WWOX: variants seen among roughly 807,000 people sequenced by gnomAD.
WWOX encodes the protein WW domain containing oxidoreductase, also known as WW domain-containing oxidoreductase.
WWOX carries 69 observed loss-of-function variants against 46.2 expected under a neutral mutation model. The observed-to-expected ratio is 1.49, with a 90% confidence interval of 1.23 to 1.82. The LOEUF (loss-of-function observed/expected upper bound fraction) is 1.82. Ranked by LOEUF, WWOX falls within the 40% of genes most tolerant of loss-of-function variation. WWOX has a pLI of 0.00. For missense variants in WWOX, 919 were observed against 542.6 expected, an observed-to-expected ratio of 1.69 and a Z score of -6.89; for synonymous variants, 359 against 202.6, an observed-to-expected ratio of 1.77 and a Z score of -6.56.
At chr16:78,330,433 T>TG (rs2080727408) in intron 5 of WWOX, among the ~76,000 whole-genome samples, 1 of 152,160 alleles carries the variant, frequency 6.6e-6, no homozygotes, top group African/African-American at 2.4e-5. Context: ...AGTCTTGCTC[T>TG]GTTGCCAGGC....
At chr16:79,163,083 C>G (rs374669080) in intron 8 of WWOX, among the ~76,000 whole-genome samples, 1 of 152,176 alleles carries the variant, frequency 6.6e-6, no homozygotes, top group Admixed American at 6.5e-5. Flanking sequence ...CTTTGTCAAA[C>G]CAGTGTTTGT....
intron 8 of WWOX, among the ~76,000 whole-genome samples, chr16:78,738,057 C>G (rs947662719): frequency 6.6e-6 from 1 of 152,168 alleles, no homozygotes; most frequent in African/African-American, 2.4e-5. Context: ...TCAAGGTGGG[C>G]TCCTAAGTGG....
At chr16:78,650,170 G>A (rs1209528687) in intron 8 of WWOX, among the ~76,000 whole-genome samples, 1 of 152,154 alleles carries the variant, frequency 6.6e-6, no homozygotes, top group African/African-American at 2.4e-5. Flanking sequence ...AAAAAAGAGT[G>A]TTTGGCTAAC....
At chr16:79,051,608 C>A (rs375253289) in intron 8 of WWOX, among the ~76,000 whole-genome samples, 5 of 152,204 alleles carry the variant, frequency 3.3e-5, no homozygotes, top group Non-Finnish European at 7.3e-5. Flanking sequence ...AGTGAACAGC[C>A]AGGCAGTCGC....
chr16:78,102,086 A>G (rs1251855812), intron 1 of WWOX, among the ~76,000 whole-genome samples: 3 of 151,964 alleles, frequency 2.0e-5, no homozygotes, highest in African/African-American at 7.3e-5. Flanking sequence ...ACACCCAGCT[A>G]ATTATTACAT....
chr16:78,323,205 C>T (rs554388815), intron 5 of WWOX, among the ~76,000 whole-genome samples: 8 of 152,120 alleles, frequency 5.3e-5, no homozygotes, highest in Non-Finnish European at 8.8e-5. Context: ...CTCCCGGGTT[C>T]ACGCCATTCT....
chr16:78,895,419 C>T (rs906298502), intron 8 of WWOX: 1 of 152,220 alleles, frequency 6.6e-6, no homozygotes, highest in Admixed American at 6.5e-5. Context: ...GGGGTCAAAA[C>T]ATCATGCTTC....
chr16:78,109,629 A>AT (rs2032368447), intron 2 of WWOX, 149 bp from the exon 3 acceptor site: 1 of 755,050 alleles, frequency 1.3e-6, no homozygotes, highest in Admixed American at 2.0e-5. Context: ...TCGCAGTTGG[A>AT]ACATGTGACG....
chr16:78,883,456 G>A (rs188278933), intron 8 of WWOX, among the ~76,000 whole-genome samples: 1 of 152,324 alleles, frequency 6.6e-6, no homozygotes, highest in African/African-American at 2.4e-5. Flanking sequence ...GGGCATGGTG[G>A]CTTATGCCCG....
chr16:79,096,476 T>A (rs1404102174), intron 8 of WWOX, among the ~76,000 whole-genome samples: 1 of 152,120 alleles, frequency 6.6e-6, no homozygotes, highest in Non-Finnish European at 1.5e-5. Context: ...ATGCCCCTCC[T>A]GGTTATCCCA....
At position 79,211,800 on chromosome 16, in the gene WWOX, G is replaced by A. The variant is rs1481369827; in HGVS notation, c.*4G>A. 5 of 1,613,926 alleles carry A rather than the reference G, an allele frequency of 3.1e-6. No homozygotes were observed. The highest frequency in any genetic ancestry group is 4.2e-6 in the Non-Finnish European group (5 of 1,179,966). On this transcript the variant is annotated 3_prime_UTR_variant, in exon 9 of 9. Coordinates refer to ENST00000566780, the MANE Select transcript of WWOX (RefSeq NM_016373.4). The stretch of plus-strand genomic sequence containing the variant: ...GCTTGGCAGCCAGTCCGGCTAAGTG[G>A]AGCTCAGAGCGGATGGGCACACACA...
intron 8 of WWOX, among the ~76,000 whole-genome samples, chr16:78,787,576 A>G (rs2050489100): frequency 6.6e-6 from 1 of 152,182 alleles, no homozygotes; most frequent in Non-Finnish European, 1.5e-5. Context: ...GTGGGTGGTC[A>G]TTGTGTTTCT....
chr16:79,063,701 C>A (rs1030054471), intron 8 of WWOX, among the ~76,000 whole-genome samples: 2 of 152,096 alleles, frequency 1.3e-5, no homozygotes, highest in Non-Finnish European at 2.9e-5. Context: ...CCTCAAGAAA[C>A]CTCTGTGAAA....
At chr16:78,690,497 G>C (rs1185715601) in intron 8 of WWOX, among the ~76,000 whole-genome samples, 1 of 152,092 alleles carries the variant, frequency 6.6e-6, no homozygotes, top group African/African-American at 2.4e-5. Context: ...GGCTGCAGTG[G>C]GCCATGATCG....
chr16:78,515,303 T>C (rs2085462390), intron 8 of WWOX, among the ~76,000 whole-genome samples: 1 of 152,136 alleles, frequency 6.6e-6, no homozygotes, highest in Non-Finnish European at 1.5e-5. Context: ...ACTTTTCTAA[T>C]GAGAAAAAAA....
At chr16:78,955,105 A>G (rs1200241621) in intron 8 of WWOX, among the ~76,000 whole-genome samples, 1 of 152,104 alleles carries the variant, frequency 6.6e-6, no homozygotes, top group African/African-American at 2.4e-5. Flanking sequence ...AGAGAAAGTG[A>G]CAGTTGAAGA....
At chr16:78,633,997 CAA>C (rs1567452069) in intron 8 of WWOX, among the ~76,000 whole-genome samples, 3 of 151,742 alleles carry the variant, frequency 2.0e-5, no homozygotes, top group East Asian at 1.9e-4. Flanking sequence ...CTAGAGAGAC[CAA>C]AGAGGCAACC....
chr16:78,914,455 A>G (rs2045194109), intron 8 of WWOX, among the ~76,000 whole-genome samples: 1 of 152,076 alleles, frequency 6.6e-6, no homozygotes, highest in Non-Finnish European at 1.5e-5. Context: ...AAACAGTTCC[A>G]GATTCATGAA....
chr16:78,113,516 T>C (rs2032611265), intron 3 of WWOX, among the ~76,000 whole-genome samples: 1 of 152,170 alleles, frequency 6.6e-6, no homozygotes, highest in South Asian at 2.1e-4. Context: ...TGGTCTAATC[T>C]AGAGGAGTAA....
Sources: allele counts gnomAD v4.1 joint callset (sites outside exome capture counted in the v4.1 genomes callset), GRCh38; gene constraint gnomAD v4.1.1; transcripts MANE v1.5; gene names NCBI Gene and HGNC (gene_info 2026-07-23, HGNC 2026-07-21).